Variants in EGLN2 observed in about 807,000 individuals in gnomAD.
EGLN2 encodes prolyl hydroxylase EGLN2.
In EGLN2, 15 loss-of-function variants were observed where a neutral mutation model predicts 38.2. That is an observed-to-expected ratio of 0.39 (90% CI 0.26 to 0.60). The LOEUF (loss-of-function observed/expected upper bound fraction) is 0.60. EGLN2 is among the 20% of genes least tolerant of loss of function. The pLI, the probability that EGLN2 is intolerant of heterozygous loss-of-function variation, is 0.50. For missense variants in EGLN2, 492 were observed against 570.4 expected (o/e 0.86, Z 1.40); for synonymous variants, 284 against 237.4 (o/e 1.20, Z -1.81).
In EGLN2 at chr19:40,808,301, C is replaced by T. The variant is rs2083320844; in HGVS notation, c.*437C>T. 2.4e-6 allele frequency: 1 copy of T among 415,268 alleles called. No homozygotes were observed. Among genetic ancestry groups the T allele is most frequent in the Non-Finnish European group, 4.3e-6 (1 of 234,918 alleles). 25.7% of individuals were successfully genotyped at this position (415,268 alleles called of 1,614,324 possible). On this transcript the variant is annotated 3_prime_UTR_variant, in exon 6 of 6. Transcript: ENST00000303961. Reference sequence around the variant, plus strand: ...CCAGCCTGGAATGTGAAGTGACTCCCCAACCCCTTTGGCCATGGCAGGCAC... The same window carrying T: ...CCAGCCTGGAATGTGAAGTGACTCCTCAACCCCTTTGGCCATGGCAGGCAC...
At chr19:40,805,194 A>T (rs1308689546) in intron 2 of EGLN2, 1 of 152,568 alleles carries the variant, frequency 6.6e-6, no homozygotes, top group Non-Finnish European at 1.5e-5. Context: ...AATGGACGCC[A>T]GCAGAGTTGT....
intron 2 of EGLN2, 26 bp downstream of exon 2, chr19:40,801,441 G>T: frequency 6.3e-7 from 1 of 1,587,552 alleles, no homozygotes; most frequent in South Asian, 1.1e-5. Context: ...GGCCTCTTTG[G>T]AGGGGCTTTG....
chr19:40,800,399 G>C lies in EGLN2; in HGVS notation c.-174G>C. 3 of 1,013,350 alleles carry C rather than the reference G, an allele frequency of 3.0e-6. No homozygotes were observed. Among genetic ancestry groups the C allele is most frequent in the Non-Finnish European group, 4.2e-6 (3 of 719,404 alleles). 62.8% of individuals were successfully genotyped at this position (1,013,350 alleles called of 1,614,324 possible). A position where few individuals can be genotyped will look rare whatever the true frequency, so the allele number is the denominator to read the frequency against. ...CCGCAGAGGACTTGGGGACCAGCAA[G>C]CAACCCCCAGGGCACGAGAAGAGCT... On this transcript the variant is annotated 5_prime_UTR_variant, in exon 2 of 6. Coordinates refer to ENST00000303961, the MANE Select transcript of EGLN2 (RefSeq NM_080732.4).
At chr19:40,806,394 T>TG in intron 2 of EGLN2, 161 bp from the exon 3 acceptor site, 1 of 1,383,854 alleles carries the variant, frequency 7.2e-7, no homozygotes, top group African/African-American at 1.5e-5. Flanking sequence ...GGATTTTGGC[T>TG]GAAAAAGAAA....
rs748292290 is a variant in EGLN2, at chr19:40,806,617, C to G, written c.906C>G (p.His302Gln). 6.2e-7 allele frequency: 1 copy of G among 1,613,998 alleles called. No homozygotes were observed. ...LGYVRHVDNP[H>Q]GDGRCITCIY... ...ACGTAAGGCACGTTGACAATCCCCA[C>G]GGCGATGGGCGCTGCATCACCTGTA... The change falls in exon 3 of 6, where the codon CAC becomes CAG. Residue 302 changes from histidine to glutamine, a missense_variant. By Grantham distance (24) the His-to-Gln change is conservative (BLOSUM62 0). Around this residue, in one of 2 missense-constraint regions of EGLN2, gnomAD observed 114 missense variants for 184.2 expected, o/e 0.62. Transcript: ENST00000303961.
At chr19:40,802,471 G>A (rs2083269305) in intron 2 of EGLN2, among the ~76,000 whole-genome samples, 1 of 152,170 alleles carries the variant, frequency 6.6e-6, no homozygotes, top group Non-Finnish European at 1.5e-5. Context: ...TTTGTTCTTA[G>A]TCCCTTTTTC....
At chr19:40,806,733 G>A (rs775456776) in intron 3 of EGLN2, 59 bp downstream of exon 3, 84 of 1,589,860 alleles carry the variant, frequency 5.3e-5, no homozygotes, top group African/African-American at 3.6e-4. Context: ...CGGGGGTGGC[G>A]TGCGTCCACT....
At position 40,800,848 on chromosome 19, in the gene EGLN2, G is replaced by A; in HGVS notation, c.276G>A (p.Gln92=). The change falls in exon 2 of 6, where the codon CAG becomes CAA. Residue 92 remains glutamine, a synonymous_variant. Transcript: ENST00000303961. ...GQDGGELRPL[Q]SEGAAALVTK... is the part of the protein sequence containing the mutation. The stretch of plus-strand genomic sequence containing the variant: ...ATGGTGGTGAGCTGCGGCCGCTGCA[G>A]AGTGAAGGCGCTGCAGCGCTGGTCA... The A allele has an allele frequency of 6.2e-7, 1 of 1,612,846 alleles. No homozygotes were observed. Among genetic ancestry groups the A allele is most frequent in the African/African-American group, 1.3e-5 (1 of 75,068 alleles).
At chr19:40,806,406 T>A (rs570483421) in intron 2 of EGLN2, 149 bp from the exon 3 acceptor site, 1 of 1,422,786 alleles carries the variant, frequency 7.0e-7, no homozygotes, top group African/African-American at 1.4e-5. Context: ...AAAAAGAAAG[T>A]CTTTTGGGGC....
intron 2 of EGLN2, chr19:40,805,413 G>A (rs551895265): frequency 6.6e-6 from 1 of 152,316 alleles, no homozygotes; most frequent in South Asian, 2.1e-4. Context: ...GGCAGGCACT[G>A]TGCTGGCTGT....
chr19:40,800,641 G>C lies in EGLN2; in HGVS notation c.69G>C (p.Glu23Asp), dbSNP rs890136062. 1 of 1,613,944 alleles carries C rather than the reference G, an allele frequency of 6.2e-7. No individual in the cohort carries two copies. Among genetic ancestry groups the C allele is most frequent in the Non-Finnish European group, 8.5e-7 (1 of 1,180,000 alleles). Residue 23 changes from glutamate to aspartate, a missense_variant, in exon 2 of 6, where the codon GAG (glutamate) becomes GAC (aspartate). Physicochemically the swap from Glu to Asp is conservative, Grantham distance 45. Coordinates refer to ENST00000303961, the MANE Select transcript of EGLN2 (RefSeq NM_080732.4). ...ALPQLPGSSS[E>D]PLEPEPGRAR... ...CTCAGTTACCAGGGTCTTCGTCAGA[G>C]CCCTTGGAGCCTGAGCCTGGCCGGG...
Position 40,800,337 on chromosome 19 carries a change from A to C in EGLN2, c.-234-2A>C. ...ATCCCTTTTTTTTTTTCCTTTCTCT[A>C]GCCACCCTGAAGGGTCCCTTCCCAA... On this transcript the variant is annotated splice_acceptor_variant, in intron 1 of 5. Coordinates refer to ENST00000303961, the MANE Select transcript of EGLN2 (RefSeq NM_080732.4). LOFTEE classifies it low-confidence loss of function (5UTR_SPLICE). 7 of 476,306 alleles carry C rather than the reference A, an allele frequency of 1.5e-5. No homozygotes were observed. Among genetic ancestry groups the C allele is most frequent in the South Asian group, 9.5e-5 (2 of 20,946 alleles). 29.5% of individuals were successfully genotyped at this position (476,306 alleles called of 1,614,324 possible).
Position 40,807,991 on chromosome 19 carries a change from A to C in EGLN2, c.*127A>C. ...TTTGCCTCTGTCCTGCCTGGTGTGGAGGGCTCTGTCTGTTGCTGAGGACCA... is the reference window on the plus strand; with the variant it reads ...TTTGCCTCTGTCCTGCCTGGTGTGGCGGGCTCTGTCTGTTGCTGAGGACCA... On this transcript the variant is annotated 3_prime_UTR_variant, in exon 6 of 6. Transcript: ENST00000303961. 1 of 921,582 alleles carries C rather than the reference A, an allele frequency of 1.1e-6. No individual in the cohort carries two copies. The highest frequency in any genetic ancestry group is 2.2e-5 in the Admixed American group (1 of 45,710). 57.1% of individuals were successfully genotyped at this position (921,582 alleles called of 1,614,324 possible).
chr19:40,802,381 C>G (rs79692712), intron 2 of EGLN2, among the ~76,000 whole-genome samples: 3,037 of 152,290 alleles, frequency 0.02, 105 homozygotes, highest in African/African-American at 0.067. Context: ...TTCACTGTCC[C>G]AGTCCCTGCC....
intron 2 of EGLN2, 94 bp downstream of exon 2, chr19:40,801,509 TC>T: frequency 6.6e-7 from 1 of 1,512,502 alleles, no homozygotes; most frequent in South Asian, 1.3e-5. Context: ...GAGACAGGCT[TC>T]TGGGAGGTCA....
intron 2 of EGLN2, among the ~76,000 whole-genome samples, chr19:40,801,711 G>A (rs1018500339): frequency 2.2e-5 from 3 of 134,380 alleles, no homozygotes; most frequent in Non-Finnish European, 3.1e-5. Flanking sequence ...GGTGTTTCTC[G>A]CAGAGGGGGA....
At position 40,800,978 on chromosome 19, in the gene EGLN2, T is replaced by C; in HGVS notation, c.406T>C (p.Trp136Arg). The C allele has an allele frequency of 6.2e-7, 1 of 1,612,356 alleles. No homozygotes were observed. Among genetic ancestry groups the C allele is most frequent in the Non-Finnish European group, 8.5e-7 (1 of 1,179,556 alleles). ...GDAPSPSKRP[W>R]ARQENQEAER... The stretch of plus-strand genomic sequence containing the variant: ...TGCCCCTTCACCCAGCAAACGGCCC[T>C]GGGCCAGGCAAGAGAACCAGGAGGC... Residue 136 changes from tryptophan to arginine, a missense_variant, in exon 2 of 6, where the codon TGG becomes CGG. Transcript: ENST00000303961.
intron 2 of EGLN2, chr19:40,804,831 G>A (rs1013176024): frequency 6.6e-6 from 1 of 152,184 alleles, no homozygotes; most frequent in Non-Finnish European, 1.5e-5. Context: ...TTTTCCCTGG[G>A]GGGCCTTCTC....
In EGLN2 at chr19:40,801,432, G is replaced by A. The variant is rs1284455672; in HGVS notation, c.843+17G>A. ...CGCACCAAGGTAAGGCTAGGTGGGGGCCTCTTTGGAGGGGCTTTGCAGCAC... is the reference window on the plus strand; with the variant it reads ...CGCACCAAGGTAAGGCTAGGTGGGGACCTCTTTGGAGGGGCTTTGCAGCAC... On this transcript the variant is annotated intron_variant, in intron 2 of 5. Transcript: ENST00000303961. The A allele has an allele frequency of 2.5e-6, 4 of 1,593,534 alleles. No homozygotes were observed. Among genetic ancestry groups the A allele is most frequent in the Middle Eastern group, 1.7e-4 (1 of 5,994 alleles).
Sources: gnomAD v4.1 joint callset for allele counts (sites outside exome capture counted in the v4.1 genomes callset) on GRCh38, gnomAD v4.1.1 for gene constraint, gnomAD v4.1.1 regional missense constraint, MANE v1.5 for transcripts, NCBI Gene and HGNC (gene_info 2026-07-23, HGNC 2026-07-21) for gene names.